The following DNM3 variants were observed in gnomAD, a reference collection of about 807,000 sequenced individuals.
DNM3 encodes the protein dynamin 3, also known as dynamin-3.
DNM3 carries 47 observed loss-of-function variants against 101.6 expected under a neutral mutation model. That is an observed-to-expected ratio of 0.46 (90% CI 0.37 to 0.59). DNM3 has a LOEUF of 0.59. Ranked by LOEUF, DNM3 falls within the 20% of genes least tolerant of loss-of-function variation. The probability of loss-of-function intolerance (pLI) is 0.00; values close to 1 mark genes in which losing one functional copy is unlikely to be tolerated. For missense variants in DNM3, 849 were observed against 1,085.7 expected (o/e 0.78, Z 3.06); for synonymous variants, 385 against 387.9 (o/e 0.99, Z 0.09).
chr1:172,323,214 C>A, intron 16 of DNM3, 115 bp from the exon 17 acceptor site: 3 of 1,115,276 alleles, frequency 2.7e-6, no homozygotes, highest in Non-Finnish European at 3.7e-6. Context: ...GCAAGAAAAA[C>A]CTCATTTTAT....
chr1:172,229,331 A>G (rs1297684664), intron 14 of DNM3, among the ~76,000 whole-genome samples: 1 of 152,238 alleles, frequency 6.6e-6, no homozygotes, highest in Non-Finnish European at 1.5e-5. Flanking sequence ...AAACAGGTAT[A>G]AAACAAATAA....
intron 17 of DNM3, among the ~76,000 whole-genome samples, chr1:172,335,873 G>C (rs533402719): frequency 9.9e-5 from 15 of 152,032 alleles, no homozygotes; most frequent in Admixed American, 3.3e-4. Flanking sequence ...GGATCATTTG[G>C]ACCCCAAACC....
intron 17 of DNM3, among the ~76,000 whole-genome samples, chr1:172,364,995 T>C (rs1303403543): frequency 6.6e-6 from 1 of 151,866 alleles, no homozygotes; most frequent in Non-Finnish European, 1.5e-5. Flanking sequence ...CCTCTTTTCT[T>C]TATAAATTAC....
chr1:172,074,393 G>A (rs117843531), intron 11 of DNM3, among the ~76,000 whole-genome samples: 4,241 of 152,084 alleles, frequency 0.028, 145 homozygotes, highest in East Asian at 0.14. Context: ...GTATGCACGC[G>A]CCATGGTGGT....
intron 20 of DNM3, among the ~76,000 whole-genome samples, chr1:172,396,714 C>T (rs1412973306): frequency 1.3e-5 from 2 of 152,098 alleles, no homozygotes; most frequent in African/African-American, 4.8e-5. Context: ...GTAAATATTA[C>T]CAGTATTTAG....
chr1:172,252,125 T>C (rs2062193971), intron 14 of DNM3, among the ~76,000 whole-genome samples: 1 of 152,202 alleles, frequency 6.6e-6, no homozygotes, highest in Admixed American at 6.6e-5. Flanking sequence ...CACTCCTATT[T>C]AGTTTCCTTT....
chr1:172,414,875 AT>A (rs1232962808), downstream of DNM3, among the ~76,000 whole-genome samples: 1 of 147,946 alleles, frequency 6.8e-6, no homozygotes, highest in African/African-American at 2.5e-5. Context: ...TTGAGACCGG[AT>A]TGGCAACACA....
chr1:172,185,737 A>G (rs913054680), intron 14 of DNM3, among the ~76,000 whole-genome samples: 10 of 152,134 alleles, frequency 6.6e-5, no homozygotes, highest in Admixed American at 3.3e-4. Context: ...CTAGATAAGA[A>G]CAACTGCTGA....
intron 4 of DNM3, among the ~76,000 whole-genome samples, chr1:172,001,538 GAGGGCTGTTCAA>G (rs2046359048): frequency 6.6e-6 from 1 of 152,028 alleles, no homozygotes; most frequent in African/African-American, 2.4e-5. Flanking sequence ...ATCTACAATA[GAGGGCTGTTCAA>G]AGGCCTCGCT....
At chr1:172,142,721 T>C (rs1164183574) in intron 14 of DNM3, among the ~76,000 whole-genome samples, 1 of 148,226 alleles carries the variant, frequency 6.7e-6, no homozygotes, top group Non-Finnish European at 1.5e-5. Flanking sequence ...TTTTGAAATG[T>C]AATCATTTCT....
At chr1:172,138,956 G>T in intron 14 of DNM3, 1 of 471,436 alleles carries the variant, frequency 2.1e-6, no homozygotes, top group Admixed American at 2.4e-5. Context: ...CAATCAGCCT[G>T]TTTTCCAGAT....
chr1:172,121,126 T>A (rs1175443360), intron 13 of DNM3, among the ~76,000 whole-genome samples: 2 of 152,242 alleles, frequency 1.3e-5, no homozygotes, highest in Non-Finnish European at 2.9e-5. Context: ...GTTCTCATTC[T>A]GTTTTGTATC....
At chr1:171,880,301 G>A (rs1485047944) in intron 1 of DNM3, among the ~76,000 whole-genome samples, 1 of 152,208 alleles carries the variant, frequency 6.6e-6, no homozygotes, top group Non-Finnish European at 1.5e-5. Flanking sequence ...GAATCCAGAA[G>A]AGCATCCAGT....
At chr1:172,005,623 A>T (rs541153129) in intron 4 of DNM3, among the ~76,000 whole-genome samples, 1 of 152,146 alleles carries the variant, frequency 6.6e-6, no homozygotes, top group African/African-American at 2.4e-5. Context: ...CGTGTTACCT[A>T]CACAATTGTG....
At chr1:172,100,046 G>A (rs1305237333) in intron 13 of DNM3, among the ~76,000 whole-genome samples, 1 of 152,144 alleles carries the variant, frequency 6.6e-6, no homozygotes, top group Non-Finnish European at 1.5e-5. Flanking sequence ...TGTATAACTG[G>A]AAAGACTTTT....
chr1:172,318,773 G>T (rs2065532273), intron 16 of DNM3, among the ~76,000 whole-genome samples: 1 of 152,140 alleles, frequency 6.6e-6, no homozygotes. Flanking sequence ...CCATGCTCAT[G>T]GGTGGGAAGA....
chr1:172,381,891 T>G (rs2068927360), intron 18 of DNM3, among the ~76,000 whole-genome samples: 1 of 152,192 alleles, frequency 6.6e-6, no homozygotes, highest in Non-Finnish European at 1.5e-5. Context: ...CCTCTATTTC[T>G]TCCTGGTCTA....
chr1:171,851,054 G>A (rs2032894506), intron 1 of DNM3, among the ~76,000 whole-genome samples: 1 of 152,164 alleles, frequency 6.6e-6, no homozygotes, highest in Non-Finnish European at 1.5e-5. Flanking sequence ...GGTAAGCAAG[G>A]TAGCATGCCA....
intron 14 of DNM3, among the ~76,000 whole-genome samples, chr1:172,162,303 G>A (rs1175221963): frequency 1.3e-5 from 2 of 151,956 alleles, no homozygotes; most frequent in African/African-American, 4.8e-5. Context: ...TCAGCTTTGA[G>A]ATTTTCCTTA....
Sources: gnomAD v4.1 joint callset for allele counts (sites outside exome capture counted in the v4.1 genomes callset) on GRCh38, gnomAD v4.1.1 for gene constraint, MANE v1.5 for transcripts, NCBI Gene and HGNC (gene_info 2026-07-23, HGNC 2026-07-21) for gene names.